Variants in KCTD16 observed in about 807,000 individuals in gnomAD.
KCTD16 encodes BTB/POZ domain-containing protein KCTD16.
KCTD16 carries 13 observed loss-of-function variants against 33.2 expected under a neutral mutation model. The observed-to-expected ratio is 0.39, with a 90% CI of 0.25 to 0.62. The LOEUF (loss-of-function observed/expected upper bound fraction) is 0.62, where lower values mean the gene tolerates loss of function less well. KCTD16 is among the 20% of genes least tolerant of loss of function. KCTD16 has a pLI of 0.50. For missense variants in KCTD16, 441 were observed against 525.1 expected (o/e 0.84, Z 1.57); for synonymous variants, 197 against 195.3 (o/e 1.01, Z -0.07).
rs572447667 is a variant in KCTD16 at position 144,291,794 on chromosome 5, A to G, written c.832+84248A>G. 5.9e-5 allele frequency among the ~76,000 whole-genome samples: 9 copies of G among 152,312 alleles called. 1 individual carries two copies. The East Asian group carries it at 9.7e-4, about 16-fold the overall frequency. On this transcript the variant is annotated intron_variant, in intron 3 of 3. Coordinates refer to ENST00000512467, the MANE Select transcript of KCTD16 (RefSeq NM_020768.4). ...TATTAACTACTATCTTAAATTACAC[A>G]TTTATTTTAATTATGAATGACAGCT...
At chr5:144,383,094 T>C (rs1224217076) in intron 3 of KCTD16, 2 of 152,192 alleles carry the variant, frequency 1.3e-5, no homozygotes. Context: ...AAATTCACTG[T>C]CTGCAGATAA....
chr5:144,232,430 C>A (rs1238342799), intron 3 of KCTD16, among the ~76,000 whole-genome samples: 1 of 152,168 alleles, frequency 6.6e-6, no homozygotes. Context: ...CTCAGAGTGG[C>A]TAAGCAACTC....
intron 3 of KCTD16, among the ~76,000 whole-genome samples, chr5:144,214,246 C>T (rs1289875758): frequency 2.0e-5 from 3 of 152,106 alleles, no homozygotes; most frequent in African/African-American, 7.2e-5. Context: ...TTCTTTCCAT[C>T]TCCGCTGATG....
intron 3 of KCTD16, among the ~76,000 whole-genome samples, chr5:144,309,365 AT>A (rs567599397): frequency 0.036 from 5,066 of 140,118 alleles, 93 homozygotes; most frequent in Middle Eastern, 0.045. Context: ...TCTCCTCCAC[AT>A]TTTTTTTTTT....
intron 3 of KCTD16, among the ~76,000 whole-genome samples, chr5:144,299,096 GTATATATATATATATATATATATA>G (rs1175664862): frequency 5.6e-4 from 6 of 10,768 alleles, no homozygotes; most frequent in East Asian, 4.4e-3. Context: ...ATATCACTAT[GTATATATATATATATATATATATA>G]TATATATATA....
chr5:144,334,630 G>T (rs1027356834), intron 3 of KCTD16, among the ~76,000 whole-genome samples: 1 of 152,146 alleles, frequency 6.6e-6, no homozygotes, highest in Admixed American at 6.6e-5. Context: ...TCATGGAAAT[G>T]CTATGGAAAT....
intron 3 of KCTD16, among the ~76,000 whole-genome samples, chr5:144,323,583 A>T (rs886088230): frequency 6.6e-6 from 1 of 152,176 alleles, no homozygotes; most frequent in Non-Finnish European, 1.5e-5. Flanking sequence ...AGCCTGCTCT[A>T]ATATGGCAGC....
chr5:144,205,550 G>C (rs924201277), intron 2 of KCTD16: 15 of 398,672 alleles, frequency 3.8e-5, no homozygotes, highest in Non-Finnish European at 4.4e-5. Context: ...TTGCCGGCAG[G>C]TGGGGTGGCT....
At chr5:144,466,793 G>A (rs1446830254) in intron 3 of KCTD16, among the ~76,000 whole-genome samples, 2 of 151,134 alleles carry the variant, frequency 1.3e-5, no homozygotes, top group African/African-American at 4.9e-5. Context: ...ATTGACTAAT[G>A]AGATTATTAC....
chr5:144,242,399 A>T (rs1580814301), intron 3 of KCTD16, among the ~76,000 whole-genome samples: 1 of 152,126 alleles, frequency 6.6e-6, no homozygotes, highest in Non-Finnish European at 1.5e-5. Flanking sequence ...AAAATTATAT[A>T]CTTTTTCCCT....
chr5:144,339,980 A>G (rs566485707), intron 3 of KCTD16, among the ~76,000 whole-genome samples: 7 of 152,196 alleles, frequency 4.6e-5, no homozygotes, highest in South Asian at 2.1e-4. Flanking sequence ...AGAATCAACT[A>G]TGGACAAGAA....
At chr5:144,334,697 G>A (rs1353220464) in intron 3 of KCTD16, among the ~76,000 whole-genome samples, 1 of 152,238 alleles carries the variant, frequency 6.6e-6, no homozygotes, top group East Asian at 1.9e-4. Context: ...CTAACTTACC[G>A]AATTTCACAT....
intron 3 of KCTD16, among the ~76,000 whole-genome samples, chr5:144,312,764 G>C (rs2126878666): frequency 6.6e-6 from 1 of 152,304 alleles, no homozygotes; most frequent in Middle Eastern, 3.4e-3. Flanking sequence ...GGGTGTGAAG[G>C]GTTCCTTTTT....
intron 3 of KCTD16, among the ~76,000 whole-genome samples, chr5:144,219,385 T>C: frequency 6.6e-6 from 1 of 151,468 alleles, no homozygotes; most frequent in Admixed American, 6.6e-5. Context: ...GGCTAATTTT[T>C]GTATTTTTAG....
intron 3 of KCTD16, among the ~76,000 whole-genome samples, chr5:144,281,150 C>G (rs531457929): frequency 6.6e-6 from 1 of 152,222 alleles, no homozygotes; most frequent in Non-Finnish European, 1.5e-5. Context: ...CCACTGTACT[C>G]CAGCCTAGGC....
At chr5:144,234,942 T>C (rs1453202674) in intron 3 of KCTD16, among the ~76,000 whole-genome samples, 2 of 152,046 alleles carry the variant, frequency 1.3e-5, no homozygotes, top group Admixed American at 6.6e-5. Flanking sequence ...TTTCCCACGA[T>C]TTCCTGATGA....
chr5:144,431,745 T>A (rs1268566518), intron 3 of KCTD16, among the ~76,000 whole-genome samples: 1 of 152,198 alleles, frequency 6.6e-6, no homozygotes, highest in Non-Finnish European at 1.5e-5. Flanking sequence ...GCTCGTATTT[T>A]ACTTGTTTTT....
chr5:144,350,191 GT>G (rs1351254397), intron 3 of KCTD16, among the ~76,000 whole-genome samples: 4 of 152,164 alleles, frequency 2.6e-5, no homozygotes, highest in Admixed American at 2.0e-4. Flanking sequence ...CTGAGTGGAG[GT>G]TTTCTTTAAG....
intron 3 of KCTD16, among the ~76,000 whole-genome samples, chr5:144,211,332 C>T (rs1340859930): frequency 6.6e-6 from 1 of 151,792 alleles, no homozygotes; most frequent in Admixed American, 6.6e-5. Context: ...TTATTCTAGC[C>T]TTTTTTTTCT....
Sources: gnomAD v4.1 joint callset for allele counts (sites outside exome capture counted in the v4.1 genomes callset) on GRCh38, gnomAD v4.1.1 for gene constraint, MANE v1.5 for transcripts, NCBI Gene and HGNC (gene_info 2026-07-23, HGNC 2026-07-21) for gene names.